The following RPTOR variants were observed in gnomAD, a reference collection of about 807,000 sequenced individuals.
The protein encoded by RPTOR is regulatory associated protein of MTOR complex 1, also known as regulatory-associated protein of mTOR.
RPTOR carries 21 observed loss-of-function variants against 169.9 expected under a neutral mutation model. The ratio of observed to expected loss-of-function variants is 0.12; its 90% CI spans 0.09 to 0.18. The LOEUF is 0.18. RPTOR is among the 10% of genes least tolerant of loss of function. The pLI is 1.00. For synonymous variants in RPTOR, 732 were observed against 753.2 expected, an observed-to-expected ratio of 0.97 and a Z score of 0.46; for missense variants, 1,133 against 1,855.9, an observed-to-expected ratio of 0.61 and a Z score of 7.16.
rs377380746 is a variant in RPTOR, at chr17:80,890,847, C to T, written c.1984-873C>T. Among the ~76,000 whole-genome samples, 10 of 152,196 alleles carry T rather than the reference C, an allele frequency of 6.6e-5. No individual in the cohort carries two copies. The East Asian group carries it at 1.5e-3, about 24-fold the overall frequency. The stretch of plus-strand genomic sequence containing the variant: ...GCGTAGACGGAGAGTGGGGTGGCCA[C>T]GAGAAGACCCTGGTCCCTGGTGGGC... On this transcript the variant is annotated intron_variant, in intron 17 of 33. Coordinates refer to ENST00000306801, the MANE Select transcript of RPTOR (RefSeq NM_020761.3).
intron 1 of RPTOR, among the ~76,000 whole-genome samples, chr17:80,567,614 C>A (rs964573937): frequency 1.3e-5 from 2 of 151,462 alleles, no homozygotes; most frequent in African/African-American, 4.8e-5. Context: ...ACATGGTGAA[C>A]CCTGTCTCTA....
At chr17:80,675,145 A>G (rs1302132366) in intron 3 of RPTOR, among the ~76,000 whole-genome samples, 1 of 152,016 alleles carries the variant, frequency 6.6e-6, no homozygotes, top group African/African-American at 2.4e-5. Context: ...TTTTCTTACA[A>G]ATTCTGTATA....
intron 9 of RPTOR, among the ~76,000 whole-genome samples, chr17:80,828,383 C>T (rs1180049660): frequency 6.6e-5 from 10 of 152,216 alleles, no homozygotes; most frequent in Admixed American, 1.3e-4. Context: ...GAACAGAGCC[C>T]TGGGGTTTTC....
chr17:80,858,065 G>T, intron 13 of RPTOR, 165 bp downstream of exon 13: 1 of 631,826 alleles, frequency 1.6e-6, no homozygotes, highest in Non-Finnish European at 2.8e-6. Flanking sequence ...GCCCGCCTCG[G>T]CAGCCACCTC....
intron 13 of RPTOR, among the ~76,000 whole-genome samples, chr17:80,875,147 A>G (rs1364695188): frequency 6.6e-6 from 1 of 152,186 alleles, no homozygotes; most frequent in African/African-American, 2.4e-5. Flanking sequence ...ATCTTTGTTA[A>G]GGAGAATAAA....
chr17:80,602,787 C>CT, intron 1 of RPTOR: 1 of 707,556 alleles, frequency 1.4e-6, no homozygotes, highest in Non-Finnish European at 2.6e-6. Context: ...CCGAATCTCT[C>CT]TGAGTGCCCA....
chr17:80,822,711 C>T (rs2067393600), intron 8 of RPTOR, among the ~76,000 whole-genome samples: 1 of 152,082 alleles, frequency 6.6e-6, no homozygotes, highest in South Asian at 2.1e-4. Context: ...TGTGTGTGTA[C>T]ATGTGTACAT....
intron 5 of RPTOR, among the ~76,000 whole-genome samples, chr17:80,753,561 A>C (rs2066650285): frequency 7.3e-6 from 1 of 136,548 alleles, no homozygotes; most frequent in Admixed American, 8.4e-5. Context: ...TGAACCCGGG[A>C]GGCGGAGCTT....
chr17:80,837,785 GC>G, intron 9 of RPTOR, 136 bp from the exon 10 acceptor site: 3 of 773,600 alleles, frequency 3.9e-6, no homozygotes, highest in Middle Eastern at 2.3e-4. Context: ...CCGTAAACAT[GC>G]CCCCCACCAG....
At chr17:80,773,271 T>C (rs1373364204) in intron 6 of RPTOR, among the ~76,000 whole-genome samples, 1 of 152,196 alleles carries the variant, frequency 6.6e-6, no homozygotes, top group East Asian at 1.9e-4. Flanking sequence ...CGAGGGACTG[T>C]GGTAGAGACA....
In RPTOR at chr17:80,922,951, C is replaced by T. The variant is rs937235668; in HGVS notation, c.2624+124C>T. The T allele has an allele frequency of 1.5e-4, 121 of 783,840 alleles. No individual in the cohort carries two copies. The African/African-American group carries it at 2.0e-3, about 13-fold the overall frequency. 48.6% of individuals were successfully genotyped at this position (783,840 alleles called of 1,614,324 possible). ...GCCCTGTCTTGGCTTCGTCTCCTCC[C>T]CCCTCTCCAGCGGGCGTTCTTTCCC... On this transcript the variant is annotated intron_variant, in intron 22 of 33. Transcript: ENST00000306801.
At chr17:80,694,610 G>A (rs1598229378) in intron 3 of RPTOR, among the ~76,000 whole-genome samples, 1 of 152,208 alleles carries the variant, frequency 6.6e-6, no homozygotes, top group South Asian at 2.1e-4. Context: ...CCAGGCAGGC[G>A]TGCACATATG....
chr17:80,722,884 C>G (rs1256467080), intron 4 of RPTOR, among the ~76,000 whole-genome samples: 1 of 151,264 alleles, frequency 6.6e-6, no homozygotes, highest in African/African-American at 2.5e-5. Context: ...TGTGGTCCAG[C>G]CCAGGCCCCC....
At chr17:80,643,879 C>T in intron 3 of RPTOR, 69 bp downstream of exon 3, 1 of 1,216,722 alleles carries the variant, frequency 8.2e-7, no homozygotes, top group Non-Finnish European at 1.2e-6. Context: ...GTTTCCAACA[C>T]TCTTTGGATC....
intron 13 of RPTOR, among the ~76,000 whole-genome samples, chr17:80,874,205 C>CT (rs34199351): frequency 0.25 from 36,604 of 144,460 alleles, 4,514 homozygotes; most frequent in African/African-American, 0.3. Context: ...AACTAAAGGG[C>CT]TTTTTTTTTT....
At chr17:80,931,716 G>T (rs1452287768) in intron 24 of RPTOR, among the ~76,000 whole-genome samples, 2 of 152,218 alleles carry the variant, frequency 1.3e-5, no homozygotes, top group Non-Finnish European at 2.9e-5. Context: ...CACACTGCAG[G>T]GAGCAGGACA....
intron 20 of RPTOR, among the ~76,000 whole-genome samples, chr17:80,902,245 C>A (rs919159123): frequency 5.3e-5 from 8 of 152,336 alleles, no homozygotes; most frequent in South Asian, 2.1e-4. Flanking sequence ...CCAGGTGAAG[C>A]CTTCGTTAAA....
intron 5 of RPTOR, among the ~76,000 whole-genome samples, chr17:80,742,736 G>T (rs1169840813): frequency 6.6e-6 from 1 of 151,734 alleles, no homozygotes. Flanking sequence ...ACACATGCAT[G>T]TGCGCACACA....
intron 6 of RPTOR, among the ~76,000 whole-genome samples, chr17:80,779,201 G>T (rs528559945): frequency 6.6e-6 from 1 of 152,338 alleles, no homozygotes; most frequent in Non-Finnish European, 1.5e-5. Context: ...GTGTGCGCCC[G>T]TAAGCTGGCT....
Sources: gnomAD v4.1 joint callset for allele counts (sites outside exome capture counted in the v4.1 genomes callset) on GRCh38, gnomAD v4.1.1 for gene constraint, MANE v1.5 for transcripts, NCBI Gene and HGNC (gene_info 2026-07-23, HGNC 2026-07-21) for gene names.